NEGR1: variants seen among roughly 807,000 people sequenced by gnomAD.
NEGR1 encodes the protein neuronal growth regulator 1.
Under a neutral mutation model 40.9 loss-of-function variants are expected in NEGR1, and 10 were observed. The ratio of observed to expected loss-of-function variants is 0.24; its 90% CI spans 0.15 to 0.42. NEGR1 has a LOEUF of 0.42. Among genes scored for constraint, NEGR1 ranks in the 10% least tolerant of loss-of-function variants. The pLI, the probability that NEGR1 is intolerant of heterozygous loss-of-function variation, is 1.00. For synonymous variants in NEGR1, 185 were observed against 166.8 expected (o/e 1.11, Z -0.84); for missense variants, 352 against 438.9 (o/e 0.80, Z 1.77).
In NEGR1 at chr1:72,142,544, T is replaced by C. The variant is rs560435694; in HGVS notation, c.176+139775A>G. 1.2e-4 allele frequency among the ~76,000 whole-genome samples: 18 copies of C among 151,676 alleles called. No individual in the cohort carries two copies. In the South Asian group the frequency reaches 3.5e-3, roughly 30 times the overall value. On this transcript the variant is annotated intron_variant, in intron 1 of 6. Coordinates refer to ENST00000357731, the MANE Select transcript of NEGR1 (RefSeq NM_173808.3). ...GATAGATGATAGATAGATAGATAGA[T>C]AGATAGATAGATAGATAGATAGACA...
chr1:71,540,830 G>A lies in NEGR1; in HGVS notation c.940+51987C>T, dbSNP rs560414273. Among the ~76,000 whole-genome samples, 16 of 151,654 alleles carry A rather than the reference G, an allele frequency of 1.1e-4. 1 individual carries two copies. The highest frequency in any genetic ancestry group is 2.2e-4 in the Non-Finnish European group (15 of 67,786). Reference sequence around the variant, plus strand: ...TTCTGCAGGCTATACAGGAAGCGTGGCACTGGCATCTGCTTGGATTCTAGG... The same window carrying A: ...TTCTGCAGGCTATACAGGAAGCGTGACACTGGCATCTGCTTGGATTCTAGG... On this transcript the variant is annotated intron_variant, in intron 6 of 6. Coordinates refer to ENST00000357731, the MANE Select transcript of NEGR1 (RefSeq NM_173808.3).
At chr1:72,221,259 C>T (rs533002230) in intron 1 of NEGR1, among the ~76,000 whole-genome samples, 1 of 152,036 alleles carries the variant, frequency 6.6e-6, no homozygotes, top group African/African-American at 2.4e-5. Context: ...TATTACTGTA[C>T]ACTTTAATCC....
At chr1:71,745,105 CTTTT>C (rs1238766621) in intron 3 of NEGR1, among the ~76,000 whole-genome samples, 7 of 152,232 alleles carry the variant, frequency 4.6e-5, no homozygotes, top group Non-Finnish European at 1.0e-4. Context: ...AAACTTCTCT[CTTTT>C]TTTGAGGTCC....
At position 72,111,083 on chromosome 1, in the gene NEGR1, TATACAC is replaced by T. The variant is rs750615165; in HGVS notation, c.176+171230_176+171235del. On this transcript the variant is annotated intron_variant, in intron 1 of 6. Coordinates refer to ENST00000357731, the MANE Select transcript of NEGR1 (RefSeq NM_173808.3). Reference sequence around the variant, plus strand: ...AGATATATACATACACATATATATATATACACACACACACACACACACACACACGTA... The same window carrying T: ...AGATATATACATACACATATATATATACACACACACACACACACACACGTA... 9.8e-3 allele frequency among the ~76,000 whole-genome samples: 884 copies of T among 90,414 alleles called. 12 individuals are homozygous for T. Among genetic ancestry groups the T allele is most frequent in the African/African-American group, 0.022 (757 of 34,042 alleles). The allele number at this position is 90,414 out of a possible 152,430, so 59.3% of individuals were successfully genotyped here. A position where few individuals can be genotyped will look rare whatever the true frequency, so the allele number is the denominator to read the frequency against.
intron 2 of NEGR1, among the ~76,000 whole-genome samples, chr1:71,805,053 G>A (rs1263286719): frequency 1.3e-5 from 2 of 152,124 alleles, no homozygotes; most frequent in East Asian, 3.9e-4. Context: ...CGCAGCTGTA[G>A]GGATGAAATA....
At chr1:71,825,374 A>C (rs542518217) in intron 2 of NEGR1, among the ~76,000 whole-genome samples, 1 of 151,914 alleles carries the variant, frequency 6.6e-6, no homozygotes, top group South Asian at 2.1e-4. Flanking sequence ...TAGTTTTTAA[A>C]ATCTCTGCAT....
intron 1 of NEGR1, among the ~76,000 whole-genome samples, chr1:72,164,712 T>C (rs890866404): frequency 6.6e-6 from 1 of 152,074 alleles, no homozygotes; most frequent in Non-Finnish European, 1.5e-5. Context: ...TTTTGTTTTG[T>C]TGTCTTCACT....
At chr1:71,623,200 C>T (rs758432293) in intron 4 of NEGR1, among the ~76,000 whole-genome samples, 3 of 151,670 alleles carry the variant, frequency 2.0e-5, no homozygotes, top group Non-Finnish European at 2.9e-5. Flanking sequence ...CCCATTTCTC[C>T]CTGCCTCAAC....
intron 4 of NEGR1, among the ~76,000 whole-genome samples, chr1:71,631,794 G>A (rs1009112559): frequency 6.6e-6 from 1 of 151,674 alleles, no homozygotes; most frequent in Non-Finnish European, 1.5e-5. Flanking sequence ...ACCTTCAGTG[G>A]ACAAAAGAGG....
At chr1:71,876,040 C>T (rs1451736721) in intron 2 of NEGR1, among the ~76,000 whole-genome samples, 1 of 152,138 alleles carries the variant, frequency 6.6e-6, no homozygotes, top group South Asian at 2.1e-4. Flanking sequence ...CTCTGCTTCT[C>T]CACTGAAATT....
intron 4 of NEGR1, among the ~76,000 whole-genome samples, chr1:71,680,777 G>C (rs1652813437): frequency 6.6e-6 from 1 of 152,102 alleles, no homozygotes; most frequent in African/African-American, 2.4e-5. Flanking sequence ...AAAATATATA[G>C]TTAATATTTA....
At chr1:71,868,166 T>C (rs139929811) in intron 2 of NEGR1, among the ~76,000 whole-genome samples, 18 of 152,268 alleles carry the variant, frequency 1.2e-4, no homozygotes, top group African/African-American at 4.3e-4. Context: ...CTCTCCAGCG[T>C]GTTTTTTAAA....
intron 2 of NEGR1, among the ~76,000 whole-genome samples, chr1:71,893,932 T>C (rs1395761350): frequency 8.2e-4 from 19 of 23,206 alleles, no homozygotes; most frequent in Non-Finnish European, 1.5e-3. Flanking sequence ...GGGACATGGA[T>C]GAAATTGGAA....
chr1:71,539,789 G>A (rs1165097072), intron 6 of NEGR1, among the ~76,000 whole-genome samples: 2 of 151,630 alleles, frequency 1.3e-5, no homozygotes, highest in Non-Finnish European at 3.0e-5. Context: ...TTAATCAAAA[G>A]CCAATTCTGG....
intron 1 of NEGR1, among the ~76,000 whole-genome samples, chr1:72,047,425 A>G (rs1232047818): frequency 6.6e-6 from 1 of 151,506 alleles, no homozygotes; most frequent in Non-Finnish European, 1.5e-5. Flanking sequence ...AATTGTACTT[A>G]ATACAGGGTA....
At chr1:71,512,235 G>A (rs1316123033) in intron 6 of NEGR1, among the ~76,000 whole-genome samples, 2 of 151,410 alleles carry the variant, frequency 1.3e-5, no homozygotes, top group Non-Finnish European at 2.9e-5. Context: ...GTTCTCTATT[G>A]GGAATATCAA....
intron 1 of NEGR1, among the ~76,000 whole-genome samples, chr1:72,032,247 G>A (rs961794663): frequency 2.0e-5 from 3 of 152,140 alleles, no homozygotes; most frequent in African/African-American, 7.2e-5. Flanking sequence ...ATTTGGGATG[G>A]CCCATCATAA....
At chr1:72,056,918 C>T (rs1647116066) in intron 1 of NEGR1, among the ~76,000 whole-genome samples, 1 of 151,526 alleles carries the variant, frequency 6.6e-6, no homozygotes. Flanking sequence ...ACACATGGAT[C>T]CTTCCATCCC....
At chr1:71,716,878 C>T (rs1263003262) in intron 3 of NEGR1, among the ~76,000 whole-genome samples, 1 of 152,068 alleles carries the variant, frequency 6.6e-6, no homozygotes, top group Non-Finnish European at 1.5e-5. Context: ...TTGTTTTTCC[C>T]TTAAAAATTT....
Sources: allele counts gnomAD v4.1 joint callset (sites outside exome capture counted in the v4.1 genomes callset), GRCh38; gene constraint gnomAD v4.1.1; transcripts MANE v1.5; gene names NCBI Gene and HGNC (gene_info 2026-07-23, HGNC 2026-07-21).